PLXDC1: variants seen among roughly 807,000 people sequenced by gnomAD.
PLXDC1 encodes plexin domain-containing protein 1.
A neutral mutation model predicts 61.3 loss-of-function variants in PLXDC1; 39 were observed. The ratio of observed to expected loss-of-function variants is 0.64; its 90% CI spans 0.49 to 0.83. PLXDC1 has a LOEUF of 0.83. Ranked by LOEUF, PLXDC1 falls within the 40% of genes least tolerant of loss-of-function variation. PLXDC1 has a pLI of 0.00. For missense variants in PLXDC1, 596 were observed against 666.5 expected, an observed-to-expected ratio of 0.89 and a Z score of 1.17; for synonymous variants, 212 against 254.5, an observed-to-expected ratio of 0.83 and a Z score of 1.59.
intron 8 of PLXDC1, among the ~76,000 whole-genome samples, chr17:39,084,266 G>T (rs1171696421): frequency 3.3e-5 from 5 of 152,182 alleles, no homozygotes; most frequent in Admixed American, 3.3e-4. Context: ...ATAACATGAG[G>T]ACTGTAGGTA....
chr17:39,078,059 G>A lies in PLXDC1; in HGVS notation c.1051-11C>T, dbSNP rs1487656656. 2.5e-6 allele frequency: 4 copies of A among 1,592,944 alleles called. No individual in the cohort carries two copies. Among genetic ancestry groups the A allele is most frequent in the Admixed American group, 1.7e-5 (1 of 57,630 alleles). Reference sequence around the variant, plus strand: ...CATCCTGCCCTCTGCCTGCAGGAGAGAGCCAGTGCTGTGTCTTGAATGCAT... The same window carrying A: ...CATCCTGCCCTCTGCCTGCAGGAGAAAGCCAGTGCTGTGTCTTGAATGCAT... On this transcript the variant is annotated splice_polypyrimidine_tract_variant and intron_variant, in intron 10 of 13. Coordinates refer to ENST00000315392, the MANE Select transcript of PLXDC1 (RefSeq NM_020405.5).
In PLXDC1 at chr17:39,110,513, G is replaced by A. The variant is rs137855210; in HGVS notation, c.256-1122C>T. Among the ~76,000 whole-genome samples the A allele has an allele frequency of 5.1e-3, 770 of 152,340 alleles. 5 individuals carry two copies. The highest frequency in any genetic ancestry group is 6.1e-3 in the Non-Finnish European group (415 of 68,036). On this transcript the variant is annotated intron_variant, in intron 2 of 13. Transcript: ENST00000315392. ...CTTAAGAGCCAGAGAGGGGCGATGT[G>A]GAAGCCCTTCCTGGAGCCGACCCAA...
At chr17:39,128,582 C>T (rs1379406208) in intron 2 of PLXDC1, among the ~76,000 whole-genome samples, 1 of 152,040 alleles carries the variant, frequency 6.6e-6, no homozygotes, top group East Asian at 1.9e-4. Flanking sequence ...AATCGGAACC[C>T]TCATACATTG....
chr17:39,113,458 C>T (rs531813346), intron 2 of PLXDC1, among the ~76,000 whole-genome samples: 6 of 152,188 alleles, frequency 3.9e-5, no homozygotes, highest in Non-Finnish European at 8.8e-5. Flanking sequence ...ACATCATCCC[C>T]TTGCTTAGGC....
intron 2 of PLXDC1, among the ~76,000 whole-genome samples, chr17:39,117,567 A>G (rs1370354898): frequency 8.0e-6 from 1 of 125,506 alleles, no homozygotes; most frequent in Non-Finnish European, 1.7e-5. Flanking sequence ...CCTCCCCCCA[A>G]GTCTACAAAA....
intron 6 of PLXDC1, among the ~76,000 whole-genome samples, chr17:39,107,181 C>T (rs1306998166): frequency 3.3e-5 from 5 of 152,222 alleles, no homozygotes; most frequent in Non-Finnish European, 7.3e-5. Flanking sequence ...GGCACCTCTA[C>T]TTGGGAGCGC....
At chr17:39,140,284 G>A (rs964299985) in intron 1 of PLXDC1, among the ~76,000 whole-genome samples, 19 of 152,026 alleles carry the variant, frequency 1.2e-4, no homozygotes, top group African/African-American at 4.6e-4. Context: ...GGTCTATGGT[G>A]TAGCCTGGGC....
At chr17:39,119,037 T>C (rs999105642) in intron 2 of PLXDC1, among the ~76,000 whole-genome samples, 2 of 152,318 alleles carry the variant, frequency 1.3e-5, no homozygotes, top group East Asian at 1.9e-4. Context: ...AAACATATGA[T>C]GAATTAATGA....
At position 39,063,323 on chromosome 17, in the gene PLXDC1, G is replaced by A. The variant is rs2143152129; in HGVS notation, c.*4517C>T. 1.7e-6 allele frequency: 1 copy of A among 591,610 alleles called. No individual in the cohort carries two copies. Among genetic ancestry groups the A allele is most frequent in the East Asian group, 2.8e-5 (1 of 35,416 alleles). The allele number at this position is 591,610 out of a possible 1,614,324, so 36.6% of individuals were successfully genotyped here. A position where few individuals can be genotyped will look rare whatever the true frequency, so the allele number is the denominator to read the frequency against. On this transcript the variant is annotated 3_prime_UTR_variant, in exon 14 of 14. Coordinates refer to ENST00000315392, the MANE Select transcript of PLXDC1 (RefSeq NM_020405.5). ...AAATGTGACAGCATAGACTTTCTCA[G>A]ATTTATTGTATGTCCTCAGACAGTA...
intron 2 of PLXDC1, among the ~76,000 whole-genome samples, chr17:39,127,943 C>CAAAAAAAA (rs35444362): frequency 5.7e-5 from 3 of 52,916 alleles, no homozygotes; most frequent in African/African-American, 8.2e-5. Context: ...CTCCATCTCA[C>CAAAAAAAA]AAAAAAAAAA....
Position 39,108,803 on chromosome 17 carries a change from A to G in PLXDC1, c.469+101T>C, listed in dbSNP as rs756941584. ...TTAGAGCCAAATGTGCCTTCCTCCC[A>G]TTTCATATAACCCTGTCTCCAGTGA... On this transcript the variant is annotated intron_variant, in intron 4 of 13. Transcript: ENST00000315392. The G allele has an allele frequency of 5.2e-6, 4 of 766,900 alleles. No homozygotes were observed. The Admixed American group carries it at 6.2e-5, about 12-fold the overall frequency. 47.5% of individuals were successfully genotyped at this position (766,900 alleles called of 1,614,324 possible).
At chr17:39,129,494 G>A (rs957914372) in intron 2 of PLXDC1, among the ~76,000 whole-genome samples, 7 of 151,614 alleles carry the variant, frequency 4.6e-5, no homozygotes, top group East Asian at 1.9e-4. Flanking sequence ...GCACGCGCCT[G>A]TAGTCCCAGC....
chr17:39,130,884 T>C (rs1349991465), intron 2 of PLXDC1, among the ~76,000 whole-genome samples: 3 of 152,056 alleles, frequency 2.0e-5, no homozygotes, highest in African/African-American at 7.3e-5. Context: ...TTTTATATTA[T>C]GTGAATTTCA....
At chr17:39,133,619 A>G (rs1437720768) in intron 2 of PLXDC1, among the ~76,000 whole-genome samples, 1 of 152,084 alleles carries the variant, frequency 6.6e-6, no homozygotes, top group Non-Finnish European at 1.5e-5. Flanking sequence ...TACATGGATC[A>G]TTCTTTTCTA....
intron 5 of PLXDC1, 25 bp from the exon 6 acceptor site, chr17:39,107,550 C>G (rs1040971741): frequency 2.0e-6 from 3 of 1,525,250 alleles, no homozygotes; most frequent in Non-Finnish European, 2.7e-6. Flanking sequence ...AGAGACCCGG[C>G]TGGACGGGAG....
chr17:39,108,491 GGA>G (rs1910675688), intron 4 of PLXDC1: 1 of 563,060 alleles, frequency 1.8e-6, no homozygotes, highest in East Asian at 2.9e-5. Context: ...GGCAGGAAGA[GGA>G]GAGGACTCAC....
rs1911867681 is a variant in PLXDC1 at position 39,139,661 on chromosome 17, C to T, written c.248G>A (p.Arg83Lys). The change falls in exon 2 of 14, where the codon AGG becomes AAG. Residue 83 changes from arginine (R) to lysine (K), a missense_variant. Arg to Lys is a conservative substitution (Grantham distance 26). Transcript: ENST00000315392. ...TGTTCCTCCAGCACTCACCACCACC[C>T]TGGTCCTGTTATCTGGCAGCGTGTC... The part of the protein sequence containing the change: ...AMDTLPDNRT[R>K]VVEDNHSYYV... 1 of 1,612,734 alleles carries T rather than the reference C, an allele frequency of 6.2e-7. No individual in the cohort carries two copies. The highest frequency in any genetic ancestry group is 8.5e-7 in the Non-Finnish European group (1 of 1,179,468).
intron 2 of PLXDC1, among the ~76,000 whole-genome samples, chr17:39,129,176 G>A (rs1911450935): frequency 6.7e-6 from 1 of 148,468 alleles, no homozygotes; most frequent in Admixed American, 6.7e-5. Context: ...AAATTAGCTG[G>A]GCGTGGTGGC....
chr17:39,116,163 G>T (rs1158958202), intron 2 of PLXDC1, among the ~76,000 whole-genome samples: 3 of 152,146 alleles, frequency 2.0e-5, no homozygotes, highest in Non-Finnish European at 4.4e-5. Context: ...TATGAAACCA[G>T]GTCAGTTCCA....
Sources: allele counts gnomAD v4.1 joint callset (sites outside exome capture counted in the v4.1 genomes callset), GRCh38; gene constraint gnomAD v4.1.1; transcripts MANE v1.5; gene names NCBI Gene and HGNC (gene_info 2026-07-23, HGNC 2026-07-21).